Variants in CDYL observed in about 807,000 individuals in gnomAD.
CDYL encodes chromodomain Y-like protein.
Under a neutral mutation model 47.3 loss-of-function variants are expected in CDYL, and 8 were observed. The observed-to-expected ratio is 0.17, with a 90% confidence interval of 0.10 to 0.31. CDYL has a LOEUF of 0.31. Ranked by LOEUF, CDYL falls within the 10% of genes least tolerant of loss-of-function variation. The probability of loss-of-function intolerance (pLI) is 1.00; values close to 1 mark genes in which losing one functional copy is unlikely to be tolerated. For missense variants in CDYL, 471 were observed against 701.4 expected (o/e 0.67, Z 3.71); for synonymous variants, 266 against 265.0 (o/e 1.00, Z -0.04).
At position 4,892,330 on chromosome 6, in the gene CDYL, C is replaced by T. The variant is rs757316737; in HGVS notation, c.642C>T (p.Pro214=). Residue 214 remains proline (P), a synonymous_variant, in exon 2 of 7, where the codon CCC becomes CCT. Transcript: ENST00000397588. ...PRIHPLVPQV[P]GPVTAAMATG... is the part of the protein sequence containing the mutation. The stretch of plus-strand genomic sequence containing the variant: ...TACACCCACTAGTGCCTCAGGTGCC[C>T]GGCCCTGTGACTGCAGCCATGGCCA... 27 of 1,613,676 alleles carry T rather than the reference C, an allele frequency of 1.7e-5. No homozygotes were observed. Among genetic ancestry groups the T allele is most frequent in the South Asian group, 3.3e-5 (3 of 91,038 alleles).
Position 4,935,739 on chromosome 6 carries a change from A to G in CDYL, c.916A>G (p.Lys306Glu). The G allele has an allele frequency of 6.2e-7, 1 of 1,614,240 alleles. No individual in the cohort carries two copies. Residue 306 changes from lysine (K) to glutamate (E), a missense_variant, in exon 3 of 7, where the codon AAG becomes GAG. This residue lies in a region of CDYL where 103 missense variants were observed against 277.1 expected (regional missense o/e 0.37). Coordinates refer to ENST00000397588, the MANE Select transcript of CDYL (RefSeq NM_004824.4). The stretch of plus-strand genomic sequence containing the variant: ...CTTCACCCACATCTTGTTATCCACA[A>G]AGTCCTCAGAGAATAACTCACTAAA... ...DGFTHILLST[K>E]SSENNSLNPE...
intron 2 of CDYL, among the ~76,000 whole-genome samples, chr6:4,916,582 G>A (rs1425644178): frequency 7.1e-6 from 1 of 141,704 alleles, no homozygotes; most frequent in Non-Finnish European, 1.5e-5. Context: ...ACAGAATGAC[G>A]CCTGGAAGGG....
intron 1 of CDYL, among the ~76,000 whole-genome samples, chr6:4,845,916 C>T (rs559870680): frequency 2.0e-5 from 3 of 152,194 alleles, no homozygotes; most frequent in South Asian, 4.2e-4. Flanking sequence ...GAACTACTAA[C>T]GGAACTGATC....
At position 4,726,576 on chromosome 6, in the gene CDYL, C is replaced by T. The variant is rs145767491; in HGVS notation, c.104-8186C>T. On this transcript the variant is annotated intron_variant, in intron 2 of 8. Transcript: ENST00000328908. ...ATTAGCTGGATATGCTGGCACACAC[C>T]TGTGGTCCCACCTATTTGGGAGGCT... Among the ~76,000 whole-genome samples, 38 of 151,376 alleles carry T rather than the reference C, an allele frequency of 2.5e-4. 1 individual carries two copies. The East Asian group carries it at 6.8e-3, about 27-fold the overall frequency.
chr6:4,765,057 T>C (rs1758231329), intron 3 of CDYL, among the ~76,000 whole-genome samples: 1 of 152,188 alleles, frequency 6.6e-6, no homozygotes, highest in African/African-American at 2.4e-5. Context: ...GTGTGGTGGC[T>C]CACGCCTGTA....
chr6:4,736,191 A>G (rs1030376355), intron 3 of CDYL, among the ~76,000 whole-genome samples: 1 of 152,196 alleles, frequency 6.6e-6, no homozygotes, highest in African/African-American at 2.4e-5. Context: ...CACTTAGATG[A>G]TGCTTTATTA....
chr6:4,837,325 A>G (rs1383126759), intron 1 of CDYL, among the ~76,000 whole-genome samples: 1 of 152,238 alleles, frequency 6.6e-6, no homozygotes, highest in Non-Finnish European at 1.5e-5. Flanking sequence ...TTTGACCAAT[A>G]CATTTGTTGT....
intron 1 of CDYL, among the ~76,000 whole-genome samples, chr6:4,818,528 G>A (rs911807137): frequency 3.3e-5 from 5 of 152,156 alleles, no homozygotes; most frequent in Non-Finnish European, 7.4e-5. Flanking sequence ...GTGTGAGTCT[G>A]AGATTGGAGA....
intron 1 of CDYL, 84 bp from the exon 2 acceptor site, chr6:4,891,629 A>T: frequency 8.9e-7 from 1 of 1,122,612 alleles, no homozygotes; most frequent in Non-Finnish European, 1.3e-6. Context: ...GGTTTTTGCT[A>T]TTTTTGATGT....
chr6:4,726,063 T>G (rs1473097463), intron 2 of CDYL, among the ~76,000 whole-genome samples: 2 of 152,196 alleles, frequency 1.3e-5, no homozygotes, highest in African/African-American at 4.8e-5. Context: ...AGCTCCAAAA[T>G]GGTCCCCATG....
rs577038102 is a variant in CDYL, at chr6:4,811,046, G to A, written c.24+34239G>A. ...CATATCATCTTGTGTCAGATCAGCC[G>A]TACAGAGGTCCATTTACTGGGAGCT... On this transcript the variant is annotated intron_variant, in intron 1 of 6. Coordinates refer to ENST00000397588, the MANE Select transcript of CDYL (RefSeq NM_004824.4). Among the ~76,000 whole-genome samples the A allele has an allele frequency of 3.1e-4, 47 of 152,308 alleles. 2 individuals are homozygous for A. In the South Asian group the frequency reaches 4.8e-3, roughly 15 times the overall value.
intron 1 of CDYL, chr6:4,836,286 A>G: frequency 3.0e-6 from 3 of 985,060 alleles, no homozygotes; most frequent in Non-Finnish European, 3.6e-6. Context: ...ATAAAGAAGA[A>G]AAAAGTTGCA....
intron 2 of CDYL, among the ~76,000 whole-genome samples, chr6:4,726,303 G>A (rs1156593529): frequency 3.3e-5 from 5 of 152,108 alleles, no homozygotes; most frequent in African/African-American, 1.2e-4. Context: ...TTGGGAGGCC[G>A]AGGTGGGCGG....
chr6:4,741,870 G>T (rs1757802596), intron 3 of CDYL, among the ~76,000 whole-genome samples: 1 of 152,178 alleles, frequency 6.6e-6, no homozygotes, highest in Admixed American at 6.5e-5. Context: ...CCCCTGTGTA[G>T]ACCTAGGCAT....
intron 1 of CDYL, among the ~76,000 whole-genome samples, chr6:4,886,738 T>C (rs990525970): frequency 1.3e-5 from 2 of 152,232 alleles, no homozygotes; most frequent in Admixed American, 6.5e-5. Flanking sequence ...TTTTTTTCTT[T>C]CGTTGCCATT....
chr6:4,932,493 G>C (rs1758061123), intron 2 of CDYL, among the ~76,000 whole-genome samples: 1 of 152,136 alleles, frequency 6.6e-6, no homozygotes, highest in Non-Finnish European at 1.5e-5. Context: ...CGGGAATTTG[G>C]GTGAGACACA....
At chr6:4,941,411 CAAAA>C (rs949005260) in intron 4 of CDYL, among the ~76,000 whole-genome samples, 34 of 152,134 alleles carry the variant, frequency 2.2e-4, no homozygotes, top group African/African-American at 7.5e-4. Context: ...TTTTTTAAAA[CAAAA>C]CGAGTCTCTG....
chr6:4,918,540 G>A (rs577197178), intron 2 of CDYL, among the ~76,000 whole-genome samples: 69 of 152,262 alleles, frequency 4.5e-4, no homozygotes, highest in Middle Eastern at 3.4e-3. Context: ...TATATGCTTA[G>A]TTAGAATGAT....
chr6:4,907,339 T>C (rs539238747), intron 2 of CDYL, among the ~76,000 whole-genome samples: 2 of 152,242 alleles, frequency 1.3e-5, no homozygotes, highest in African/African-American at 4.8e-5. Context: ...TAATACAGCT[T>C]TTTTGTGGGT....
Sources: allele counts gnomAD v4.1 joint callset (sites outside exome capture counted in the v4.1 genomes callset), GRCh38; gene constraint gnomAD v4.1.1; regional missense constraint gnomAD v4.1.1; transcripts MANE v1.5; gene names NCBI Gene and HGNC (gene_info 2026-07-23, HGNC 2026-07-21).